The following AKAP13 variants were observed in gnomAD, a reference collection of about 807,000 sequenced individuals.
AKAP13 encodes A-kinase anchoring protein 13.
A neutral mutation model predicts 264.5 loss-of-function variants in AKAP13; 80 were observed. The observed-to-expected ratio is 0.30, with a 90% confidence interval of 0.25 to 0.36. AKAP13 has a LOEUF of 0.36. Ranked by LOEUF, AKAP13 falls within the 10% of genes least tolerant of loss-of-function variation. The probability of loss-of-function intolerance (pLI) is 1.00; values close to 1 mark genes in which losing one functional copy is unlikely to be tolerated. For missense variants in AKAP13, 3,712 were observed against 3,435.2 expected (o/e 1.08, Z -2.01); for synonymous variants, 1,380 against 1,250.2 (o/e 1.10, Z -2.19).
chr15:85,707,772 C>T (rs1338623410), intron 17 of AKAP13, among the ~76,000 whole-genome samples: 3 of 151,798 alleles, frequency 2.0e-5, no homozygotes, highest in Non-Finnish European at 4.4e-5. Context: ...TAATCTGTCT[C>T]CTGGTCTCCA....
At chr15:85,613,620 G>A (rs559057541) in intron 8 of AKAP13, among the ~76,000 whole-genome samples, 4 of 147,856 alleles carry the variant, frequency 2.7e-5, no homozygotes, top group African/African-American at 1.0e-4. Flanking sequence ...GGCGGAGCTT[G>A]CAGTGAGCCG....
intron 5 of AKAP13, among the ~76,000 whole-genome samples, chr15:85,572,159 T>C (rs1435781522): frequency 6.6e-6 from 1 of 152,230 alleles, no homozygotes; most frequent in Non-Finnish European, 1.5e-5. Flanking sequence ...CACTTTTTAA[T>C]TGCTCCTGCC....
chr15:85,496,337 A>G (rs2075872620), intron 2 of AKAP13, among the ~76,000 whole-genome samples: 1 of 152,134 alleles, frequency 6.6e-6, no homozygotes, highest in African/African-American at 2.4e-5. Flanking sequence ...TTACATTTTC[A>G]GCCTCCGTGA....
chr15:85,739,284 T>C (rs1287987646), intron 33 of AKAP13, among the ~76,000 whole-genome samples: 2 of 152,254 alleles, frequency 1.3e-5, no homozygotes, highest in Non-Finnish European at 2.9e-5. Flanking sequence ...TTTACCAACA[T>C]TGAGTATTAT....
intron 1 of AKAP13, among the ~76,000 whole-genome samples, chr15:85,385,410 A>G (rs1765811541): frequency 6.6e-6 from 1 of 152,166 alleles, no homozygotes; most frequent in Non-Finnish European, 1.5e-5. Context: ...TACATTCACT[A>G]AAATTCCGCC....
intron 23 of AKAP13, among the ~76,000 whole-genome samples, chr15:85,721,556 CAG>C (rs2087284553): frequency 6.6e-6 from 1 of 152,174 alleles, no homozygotes; most frequent in Non-Finnish European, 1.5e-5. Flanking sequence ...GTAGTACAAA[CAG>C]ATACCTAGGT....
At position 85,665,492 on chromosome 15, in the gene AKAP13, C is replaced by G. The variant is rs371006344; in HGVS notation, c.4992+737C>G. Among the ~76,000 whole-genome samples, 10 of 152,222 alleles carry G rather than the reference C, an allele frequency of 6.6e-5. No homozygotes were observed. The East Asian group carries it at 7.7e-4, about 12-fold the overall frequency. On this transcript the variant is annotated intron_variant, in intron 13 of 36. Transcript: ENST00000394518. ...ACCTTCCAGGAAATGTCAGTTGATT[C>G]TCTCTCCTTCCCATCCCTACCAGAA...
At chr15:85,507,215 G>A (rs2076253270) in intron 2 of AKAP13, among the ~76,000 whole-genome samples, 1 of 152,124 alleles carries the variant, frequency 6.6e-6, no homozygotes, top group African/African-American at 2.4e-5. Context: ...CTTTGGGGGT[G>A]TGTGAACTGC....
Position 85,724,669 on chromosome 15 carries a change from C to T in AKAP13, c.6745+1349C>T, listed in dbSNP as rs752347797. ...AGGGGGCAAAGAATGGGTTCAAAAACGAGAACGGCAAGCAGGAGAGGGATA... is the reference window on the plus strand; with the variant it reads ...AGGGGGCAAAGAATGGGTTCAAAAATGAGAACGGCAAGCAGGAGAGGGATA... On this transcript the variant is annotated intron_variant, in intron 26 of 36. Transcript: ENST00000394518. This position sits in a 1 kb window ranked among gnomAD's most constrained non-coding sequence, Gnocchi z 4.2. Among the ~76,000 whole-genome samples the T allele has an allele frequency of 1.1e-4, 17 of 151,350 alleles. No homozygotes were observed. The highest frequency in any genetic ancestry group is 5.9e-4 in the Admixed American group (9 of 15,188).
At chr15:85,709,751 A>G (rs1414760649) in intron 18 of AKAP13, among the ~76,000 whole-genome samples, 2 of 151,850 alleles carry the variant, frequency 1.3e-5, no homozygotes, top group Non-Finnish European at 2.9e-5. Context: ...GCAATGGCAC[A>G]GTCTTGGCTC....
chr15:85,487,025 C>T (rs1245619199), intron 2 of AKAP13, among the ~76,000 whole-genome samples: 1 of 152,160 alleles, frequency 6.6e-6, no homozygotes, highest in Non-Finnish European at 1.5e-5. Context: ...AGCCACAGCA[C>T]CTGGCCAATT....
chr15:85,385,263 C>T (rs2070498859), intron 1 of AKAP13, among the ~76,000 whole-genome samples: 3 of 152,262 alleles, frequency 2.0e-5, no homozygotes, highest in Middle Eastern at 3.4e-3. Context: ...ATTCAACTTT[C>T]TCTATTTGTC....
At position 85,722,088 on chromosome 15, in the gene AKAP13, A is replaced by T. The variant is rs762830145; in HGVS notation, c.6350A>T (p.Lys2117Met). The change falls in exon 24 of 37, where the codon AAG becomes ATG. Residue 2117 changes from lysine (K) to methionine (M), a missense_variant. By Grantham distance (95) the Lys-to-Met change is moderately conservative. This residue lies in a region of AKAP13 where 342 missense variants were observed against 484.3 expected (regional missense o/e 0.71). Coordinates refer to ENST00000394518, the MANE Select transcript of AKAP13 (RefSeq NM_007200.5). ...AACTACTTCAAAGACCTTTATGCCA[A>T]GGATAAGCGTTTTCAAGCCTTTGTA... is the stretch of plus-strand genomic sequence containing the variant. ...SVNYFKDLYA[K>M]DKRFQAFVKK... is the part of the protein sequence containing the mutation. 6.2e-7 allele frequency: 1 copy of T among 1,614,138 alleles called. No individual in the cohort carries two copies. The highest frequency in any genetic ancestry group is 8.5e-7 in the Non-Finnish European group (1 of 1,179,954).
chr15:85,504,533 A>G (rs992270379), intron 2 of AKAP13, among the ~76,000 whole-genome samples: 1 of 138,176 alleles, frequency 7.2e-6, no homozygotes, highest in African/African-American at 2.7e-5. Flanking sequence ...AAAAAAAAAA[A>G]AAGAAAAAAT....
intron 1 of AKAP13, among the ~76,000 whole-genome samples, chr15:85,422,960 T>C (rs933261943): frequency 5.9e-5 from 9 of 152,248 alleles, no homozygotes; most frequent in Non-Finnish European, 1.2e-4. Context: ...ACATGTTTTT[T>C]GTTTCCCGGT....
intron 3 of AKAP13, among the ~76,000 whole-genome samples, chr15:85,524,859 C>T (rs915339758): frequency 1.4e-5 from 2 of 142,700 alleles, no homozygotes; most frequent in East Asian, 2.1e-4. Context: ...CTCCTGCCCC[C>T]TCTTTCCCCA....
At chr15:85,714,910 T>G (rs994260108) in intron 19 of AKAP13, among the ~76,000 whole-genome samples, 1 of 151,952 alleles carries the variant, frequency 6.6e-6, no homozygotes, top group Non-Finnish European at 1.5e-5. Context: ...GAGCTTGCAG[T>G]GAGCCAAGAT....
intron 3 of AKAP13, among the ~76,000 whole-genome samples, chr15:85,532,796 A>G (rs2077283185): frequency 6.6e-6 from 1 of 152,224 alleles, no homozygotes; most frequent in Non-Finnish European, 1.5e-5. Context: ...TTGGAGTGGC[A>G]TGCAGTTTTC....
intron 3 of AKAP13, among the ~76,000 whole-genome samples, chr15:85,523,144 G>A (rs911041780): frequency 6.6e-6 from 1 of 151,988 alleles, no homozygotes; most frequent in African/African-American, 2.4e-5. Context: ...GTACCAGTGA[G>A]ATCCTTAGTT....
Sources: allele counts gnomAD v4.1 joint callset (sites outside exome capture counted in the v4.1 genomes callset), GRCh38; gene constraint gnomAD v4.1.1; regional missense constraint gnomAD v4.1.1; non-coding constraint Gnocchi (gnomAD v3.1); transcripts MANE v1.5; gene names NCBI Gene and HGNC (gene_info 2026-07-23, HGNC 2026-07-21).